The following TOX3 variants were observed in gnomAD, a reference collection of about 807,000 sequenced individuals.
TOX3 encodes the protein TOX high mobility group box family member 3, also known as CAG trinucleotide repeat-containing gene F9 protein.
In TOX3, 22 loss-of-function variants were observed where a neutral mutation model predicts 64.3. The observed-to-expected ratio is 0.34, with a 90% confidence interval of 0.24 to 0.49. TOX3 has a LOEUF of 0.49. TOX3 is among the 20% of genes least tolerant of loss of function. The probability of loss-of-function intolerance (pLI) is 0.99; values close to 1 mark genes in which losing one functional copy is unlikely to be tolerated. For missense variants in TOX3, 661 were observed against 714.4 expected, an observed-to-expected ratio of 0.93 and a Z score of 0.85; for synonymous variants, 291 against 273.6, an observed-to-expected ratio of 1.06 and a Z score of -0.63.
At chr16:52,543,083 G>T (rs895173442) in intron 1 of TOX3, among the ~76,000 whole-genome samples, 2 of 152,168 alleles carry the variant, frequency 1.3e-5, no homozygotes, top group African/African-American at 4.8e-5. Context: ...CTAAAAATAT[G>T]CAGAAATAGC....
chr16:52,447,552 A>C (rs1183773570), intron 4 of TOX3, among the ~76,000 whole-genome samples: 1 of 152,186 alleles, frequency 6.6e-6, no homozygotes, highest in Non-Finnish European at 1.5e-5. Flanking sequence ...TTAAGTGATA[A>C]CAGCATCCAC....
intron 1 of TOX3, among the ~76,000 whole-genome samples, chr16:52,523,288 A>T (rs1962651400): frequency 6.6e-6 from 1 of 152,146 alleles, no homozygotes; most frequent in African/African-American, 2.4e-5. Flanking sequence ...AGTGATCAAG[A>T]AGAGCGGGGT....
intron 1 of TOX3, among the ~76,000 whole-genome samples, chr16:52,492,941 A>G (rs192059501): frequency 4.3e-4 from 66 of 151,986 alleles, no homozygotes; most frequent in African/African-American, 1.5e-3. Context: ...TTCTGAGAAC[A>G]GTCAGATCAA....
At chr16:52,443,073 T>C (rs1466963379) in intron 6 of TOX3, among the ~76,000 whole-genome samples, 1 of 152,192 alleles carries the variant, frequency 6.6e-6, no homozygotes, top group Non-Finnish European at 1.5e-5. Context: ...CAAAATCACC[T>C]ATACCTGCTC....
intron 1 of TOX3, among the ~76,000 whole-genome samples, chr16:52,485,645 A>G (rs780450213): frequency 4.1e-4 from 62 of 152,128 alleles, no homozygotes; most frequent in Non-Finnish European, 4.4e-5. Flanking sequence ...CCTGAATCTA[A>G]AATAAAATAA....
At chr16:52,441,316 CA>C (rs1231452451) in intron 6 of TOX3, among the ~76,000 whole-genome samples, 1 of 152,090 alleles carries the variant, frequency 6.6e-6, no homozygotes, top group Non-Finnish European at 1.5e-5. Flanking sequence ...GAAGTTTTCA[CA>C]ATTTTAGAAA....
rs569473911 is a variant in TOX3 at position 52,527,330 on chromosome 16, A to G, written c.87+19307T>C. Among the ~76,000 whole-genome samples the G allele has an allele frequency of 3.3e-5, 5 of 152,262 alleles. No individual in the cohort carries two copies. The South Asian group carries it at 1.0e-3, about 32-fold the overall frequency. ...TGCTCCTATTTATTATTTTAATATCATCGTTGCACAGAACCAGTCATTGGT... is the reference window on the plus strand; with the variant it reads ...TGCTCCTATTTATTATTTTAATATCGTCGTTGCACAGAACCAGTCATTGGT... On this transcript the variant is annotated intron_variant, in intron 1 of 6. Transcript: ENST00000219746.
intron 1 of TOX3, among the ~76,000 whole-genome samples, chr16:52,507,739 G>GAT (rs1877455358): frequency 1.3e-5 from 2 of 152,342 alleles, no homozygotes; most frequent in East Asian, 3.9e-4. Context: ...CCAGAAGTCA[G>GAT]ATACTGAGAA....
At chr16:52,474,249 A>C (rs1195722603) in intron 1 of TOX3, among the ~76,000 whole-genome samples, 1 of 151,904 alleles carries the variant, frequency 6.6e-6, no homozygotes, top group Non-Finnish European at 1.5e-5. Flanking sequence ...TATCTTTCCA[A>C]CTGTACCCAA....
chr16:52,537,870 T>C lies in TOX3; in HGVS notation c.87+8767A>G, dbSNP rs1316219516. ...TCCCACTACTTGAGTACAGCCTGGC[T>C]GATATGATAAAAAAAAAAAAAAAAA... On this transcript the variant is annotated intron_variant, in intron 1 of 6. Coordinates refer to ENST00000219746, the MANE Select transcript of TOX3 (RefSeq NM_001080430.4). Among the ~76,000 whole-genome samples, 3 of 119,072 alleles carry C rather than the reference T, an allele frequency of 2.5e-5. No homozygotes were observed. In the East Asian group the frequency reaches 6.9e-4, roughly 27 times the overall value. The allele number at this position is 119,072 out of a possible 152,430, so 78.1% of individuals were successfully genotyped here.
chr16:52,456,886 G>A (rs890647099), intron 3 of TOX3, among the ~76,000 whole-genome samples: 14 of 152,178 alleles, frequency 9.2e-5, no homozygotes, highest in Admixed American at 7.2e-4. Context: ...GAAGGCAAAA[G>A]AAAGGTGTGA....
At chr16:52,494,211 A>T (rs559808695) in intron 1 of TOX3, among the ~76,000 whole-genome samples, 52 of 152,230 alleles carry the variant, frequency 3.4e-4, no homozygotes, top group Non-Finnish European at 6.8e-4. Flanking sequence ...TTGCATTTTG[A>T]TGCGGGTTGG....
chr16:52,447,476 C>T (rs1229590609), intron 4 of TOX3, among the ~76,000 whole-genome samples: 1 of 152,146 alleles, frequency 6.6e-6, no homozygotes, highest in Non-Finnish European at 1.5e-5. Context: ...TCTTAGAGAG[C>T]TCTGAACACT....
rs142369033 is a variant in TOX3, at chr16:52,535,976, G to A, written c.87+10661C>T. Among the ~76,000 whole-genome samples the A allele has an allele frequency of 2.4e-3, 360 of 152,326 alleles. 4 individuals carry two copies. The highest frequency in any genetic ancestry group is 8.2e-3 in the African/African-American group (341 of 41,560). ...ACTGCTGCATTCCTATTGCCTAGAAGTGTCTGACCCATACTATGTCAACAC... is the reference window on the plus strand; with the variant it reads ...ACTGCTGCATTCCTATTGCCTAGAAATGTCTGACCCATACTATGTCAACAC... On this transcript the variant is annotated intron_variant, in intron 1 of 6. Coordinates refer to ENST00000219746, the MANE Select transcript of TOX3 (RefSeq NM_001080430.4).
chr16:52,483,352 A>G (rs1025478242), intron 1 of TOX3, among the ~76,000 whole-genome samples: 1 of 152,314 alleles, frequency 6.6e-6, no homozygotes, highest in East Asian at 1.9e-4. Context: ...CAGAAAATAC[A>G]TTATATTAAG....
intron 1 of TOX3, among the ~76,000 whole-genome samples, chr16:52,523,306 G>A (rs1385489905): frequency 6.6e-6 from 1 of 152,136 alleles, no homozygotes; most frequent in Non-Finnish European, 1.5e-5. Flanking sequence ...GGTATGTGGT[G>A]GGAGGGAAGT....
intron 1 of TOX3, among the ~76,000 whole-genome samples, chr16:52,474,006 CT>C (rs1961132070): frequency 6.6e-6 from 1 of 152,138 alleles, no homozygotes; most frequent in Admixed American, 6.5e-5. Context: ...TGAGGATCCC[CT>C]GAGCACCACA....
intron 2 of TOX3, among the ~76,000 whole-genome samples, chr16:52,465,381 C>A (rs563685549): frequency 2.0e-5 from 3 of 151,402 alleles, no homozygotes; most frequent in South Asian, 2.1e-4. Flanking sequence ...GTTGCTCCAC[C>A]CAACCACACT....
intron 4 of TOX3, among the ~76,000 whole-genome samples, chr16:52,446,603 T>A (rs1354302369): frequency 6.6e-6 from 1 of 152,168 alleles, no homozygotes; most frequent in African/African-American, 2.4e-5. Context: ...ATATTCAGGA[T>A]GTTGATCATA....
Sources: allele counts gnomAD v4.1 joint callset (sites outside exome capture counted in the v4.1 genomes callset), GRCh38; gene constraint gnomAD v4.1.1; transcripts MANE v1.5; gene names NCBI Gene and HGNC (gene_info 2026-07-23, HGNC 2026-07-21).